The following KAT2B variants were observed in gnomAD, a reference collection of about 807,000 sequenced individuals.
KAT2B encodes histone acetyltransferase KAT2B.
In KAT2B, 36 loss-of-function variants were observed where a neutral mutation model predicts 105.9. The observed-to-expected ratio is 0.34, with a 90% CI of 0.26 to 0.45. The LOEUF is 0.45. KAT2B is among the 20% of genes least tolerant of loss of function. The pLI, the probability that KAT2B is intolerant of heterozygous loss-of-function variation, is 1.00. For missense variants in KAT2B, 820 were observed against 1,021.6 expected (o/e 0.80, Z 2.69); for synonymous variants, 397 against 377.9 (o/e 1.05, Z -0.59).
Position 20,149,007 on chromosome 3 carries a change from T to C in KAT2B, c.2305+520T>C, listed in dbSNP as rs532440286. 120 of 153,846 alleles carry C rather than the reference T, an allele frequency of 7.8e-4. 1 individual carries two copies. The highest frequency in any genetic ancestry group is 3.4e-3 in the Middle Eastern group (1 of 294). 9.5% of individuals were successfully genotyped at this position (153,846 alleles called of 1,614,324 possible). A position where few individuals can be genotyped will look rare whatever the true frequency, so the allele number is the denominator to read the frequency against. ...CCTTGATGGGTACTGTTAATGTCAC[T>C]GTATATACTCTTTATTTTACGCTTT... On this transcript the variant is annotated intron_variant, in intron 17 of 17. Transcript: ENST00000263754.
At chr3:20,112,247 G>C (rs1390791205) in intron 6 of KAT2B, among the ~76,000 whole-genome samples, 2 of 148,452 alleles carry the variant, frequency 1.3e-5, no homozygotes, top group East Asian at 4.1e-4. Flanking sequence ...TAGTAGACTT[G>C]CCCCCACTCT....
intron 17 of KAT2B, among the ~76,000 whole-genome samples, chr3:20,152,111 C>A (rs546749573): frequency 6.6e-6 from 1 of 152,142 alleles, no homozygotes; most frequent in East Asian, 1.9e-4. Flanking sequence ...CCCTTTAATG[C>A]TAAAATGGCT....
In KAT2B at chr3:20,099,861, G is replaced by A. The variant is rs1467133261; in HGVS notation, c.577-1G>A. The A allele has an allele frequency of 6.5e-7, 1 of 1,538,992 alleles. No individual in the cohort carries two copies. ...TCTTTTTTTTAATGATTTCTTTGCA[G>A]CTCTTGAGAAAGTCTATTTTACAAA... On this transcript the variant is annotated splice_acceptor_variant, in intron 3 of 17. Transcript: ENST00000263754. LOFTEE classifies it high-confidence loss of function.
chr3:20,109,430 C>T (rs1251863814), intron 5 of KAT2B, among the ~76,000 whole-genome samples: 5 of 152,186 alleles, frequency 3.3e-5, no homozygotes, highest in African/African-American at 1.2e-4. Context: ...GATCCTACCT[C>T]CTCAGCCTCC....
chr3:20,111,841 A>G, intron 6 of KAT2B, 54 bp downstream of exon 6: 1 of 1,381,076 alleles, frequency 7.2e-7, no homozygotes, highest in South Asian at 1.3e-5. Flanking sequence ...GAGGTTGCTA[A>G]ATACAATGCC....
chr3:20,104,538 A>G (rs1335868781), intron 5 of KAT2B, among the ~76,000 whole-genome samples: 2 of 152,224 alleles, frequency 1.3e-5, no homozygotes, highest in Non-Finnish European at 2.9e-5. Flanking sequence ...GATCTTCTCA[A>G]AAATGGGTAA....
intron 3 of KAT2B, among the ~76,000 whole-genome samples, chr3:20,098,103 C>T (rs1450782917): frequency 6.6e-6 from 1 of 151,704 alleles, no homozygotes; most frequent in Non-Finnish European, 1.5e-5. Context: ...GTTGTGTGTA[C>T]CTGTAAATTC....
intron 2 of KAT2B, among the ~76,000 whole-genome samples, chr3:20,079,240 T>C (rs563715201): frequency 1.2e-3 from 169 of 137,978 alleles, no homozygotes; most frequent in Non-Finnish European, 2.1e-3. Context: ...AGTCTGGCTC[T>C]GTCACCCAGG....
intron 1 of KAT2B, among the ~76,000 whole-genome samples, chr3:20,044,835 T>C (rs1347730801): frequency 6.6e-6 from 1 of 152,194 alleles, no homozygotes. Flanking sequence ...TTTGAATAGA[T>C]TCTTAGCCAT....
At chr3:20,146,471 A>G in intron 14 of KAT2B, 41 bp downstream of exon 14, 2 of 1,140,436 alleles carry the variant, frequency 1.8e-6, no homozygotes, top group Non-Finnish European at 2.6e-6. Flanking sequence ...TTTTTTAGTA[A>G]TGCCGTGGTT....
At chr3:20,065,827 G>C (rs774502035) in intron 1 of KAT2B, among the ~76,000 whole-genome samples, 1 of 152,156 alleles carries the variant, frequency 6.6e-6, no homozygotes, top group Non-Finnish European at 1.5e-5. Flanking sequence ...TAAACTGTTA[G>C]GGTCCATAGT....
chr3:20,148,300 G>A lies in KAT2B; in HGVS notation c.2214G>A (p.Gln738=). The A allele has an allele frequency of 1.9e-6, 3 of 1,613,880 alleles. No homozygotes were observed. The highest frequency in any genetic ancestry group is 2.5e-6 in the Non-Finnish European group (3 of 1,179,800). ...LYSTLKSILQ[Q]VKSHQSAWPF... The stretch of plus-strand genomic sequence containing the variant: ...GCACGCTCAAGAGCATCCTCCAGCA[G>A]GTGAAGGTGGGTGTCCTCTTTATTC... The change falls in exon 16 of 18, where the codon CAG becomes CAA. Residue 738 remains glutamine, a synonymous_variant. Coordinates refer to ENST00000263754, the MANE Select transcript of KAT2B (RefSeq NM_003884.5).
At chr3:20,052,886 G>C (rs1010441180) in intron 1 of KAT2B, among the ~76,000 whole-genome samples, 1 of 152,208 alleles carries the variant, frequency 6.6e-6, no homozygotes. Context: ...TGAGGCAGGA[G>C]AATCACTTGA....
At chr3:20,130,110 C>T (rs377077580) in intron 11 of KAT2B, among the ~76,000 whole-genome samples, 16 of 151,934 alleles carry the variant, frequency 1.1e-4, no homozygotes, top group South Asian at 2.1e-4. Context: ...CCTGAGTAGC[C>T]GGGATTACAG....
intron 2 of KAT2B, among the ~76,000 whole-genome samples, chr3:20,086,898 C>G (rs1354598122): frequency 6.6e-6 from 1 of 151,830 alleles, no homozygotes; most frequent in African/African-American, 2.4e-5. Context: ...TCTCCTGCCT[C>G]AGCCTCCCAA....
At chr3:20,062,587 G>A (rs199564445) in intron 1 of KAT2B, among the ~76,000 whole-genome samples, 2 of 150,364 alleles carry the variant, frequency 1.3e-5, no homozygotes, top group African/African-American at 4.9e-5. Context: ...TCAGCTTCCC[G>A]AGTAGCTGGG....
intron 12 of KAT2B, among the ~76,000 whole-genome samples, chr3:20,139,505 T>G (rs1699662289): frequency 6.6e-6 from 1 of 152,076 alleles, no homozygotes; most frequent in Non-Finnish European, 1.5e-5. Context: ...AAAATAAGTT[T>G]TTGTTGAAAG....
intron 3 of KAT2B, 57 bp downstream of exon 3, chr3:20,095,465 C>A: frequency 7.9e-7 from 1 of 1,258,748 alleles, no homozygotes; most frequent in Non-Finnish European, 1.1e-6. Flanking sequence ...TACCCAGTCT[C>A]CATATGCCAG....
chr3:20,052,058 G>A (rs1389337519), intron 1 of KAT2B, among the ~76,000 whole-genome samples: 1 of 152,092 alleles, frequency 6.6e-6, no homozygotes, highest in Non-Finnish European at 1.5e-5. Context: ...TTCATCTCTA[G>A]CATCTAATTG....
Sources: gnomAD v4.1 joint callset for allele counts (sites outside exome capture counted in the v4.1 genomes callset) on GRCh38, gnomAD v4.1.1 for gene constraint, MANE v1.5 for transcripts, NCBI Gene and HGNC (gene_info 2026-07-23, HGNC 2026-07-21) for gene names.